The following NOS1 variants were observed in gnomAD, a reference collection of about 807,000 sequenced individuals.
The protein encoded by NOS1 is nitric oxide synthase 1.
Under a neutral mutation model 164.5 loss-of-function variants are expected in NOS1, and 51 were observed. The ratio of observed to expected loss-of-function variants is 0.31; its 90% CI spans 0.25 to 0.39. The LOEUF (loss-of-function observed/expected upper bound fraction) is 0.39. Among genes scored for constraint, NOS1 ranks in the 10% least tolerant of loss-of-function variants. NOS1 has a pLI of 1.00. For synonymous variants in NOS1, 719 were observed against 745.8 expected, an observed-to-expected ratio of 0.96 and a Z score of 0.59; for missense variants, 1,362 against 1,885.6, an observed-to-expected ratio of 0.72 and a Z score of 5.14.
chr12:117,300,559 G>C lies in NOS1; in HGVS notation c.853-10133C>G, dbSNP rs574455795. On this transcript the variant is annotated intron_variant, in intron 3 of 28. Transcript: ENST00000317775. ...CAGGCGATGGCTCAGGTGGAAGGAA[G>C]GAAGATGCCTCTGGGATGGAGAGAG... 3.3e-5 allele frequency among the ~76,000 whole-genome samples: 5 copies of C among 152,270 alleles called. No individual in the cohort carries two copies. In the South Asian group the frequency reaches 1.0e-3, roughly 32 times the overall value.
chr12:117,263,113 A>G (rs559837052), intron 13 of NOS1, among the ~76,000 whole-genome samples: 2 of 152,316 alleles, frequency 1.3e-5, no homozygotes, highest in South Asian at 4.1e-4. Flanking sequence ...CAGCAGGGAC[A>G]GCATTTGTCT....
chr12:117,277,112 A>G (rs557418873), intron 9 of NOS1, among the ~76,000 whole-genome samples: 1 of 152,230 alleles, frequency 6.6e-6, no homozygotes, highest in East Asian at 1.9e-4. Context: ...ACAGTGTACA[A>G]GGGTTCCCTT....
At chr12:117,248,881 T>C (rs1009631737) in intron 17 of NOS1, among the ~76,000 whole-genome samples, 4 of 152,182 alleles carry the variant, frequency 2.6e-5, no homozygotes, top group African/African-American at 7.2e-5. Flanking sequence ...TTTTTAATGA[T>C]TGACATTCTA....
Position 117,330,871 on chromosome 12 carries a change from C to T in NOS1, c.199G>A (p.Val67Ile). The T allele has an allele frequency of 6.2e-7, 1 of 1,614,148 alleles. No homozygotes were observed. Among genetic ancestry groups the T allele is most frequent in the Non-Finnish European group, 8.5e-7 (1 of 1,180,024 alleles). ...LIQAGDIILAVNGRPLVDLSY... is the reference protein window; with the variant it reads ...LIQAGDIILAINGRPLVDLSY... ...AGGTCCACCAAGGGCCGGCCGTTGA[C>T]CGCAAGAATGATGTCTCCGGCCTGG... The change falls in exon 2 of 29, where the codon GTC (valine) becomes ATC (isoleucine). Residue 67 changes from valine (V) to isoleucine (I), a missense_variant. Coordinates refer to ENST00000317775, the MANE Select transcript of NOS1 (RefSeq NM_000620.5). The surrounding 1 kb of genome is among the most constrained non-coding windows in gnomAD (Gnocchi z 4.6).
rs188438779 is a variant in NOS1 at position 117,336,917 on chromosome 12, C to T, written c.-420-5428G>A. 4.6e-3 allele frequency among the ~76,000 whole-genome samples: 693 copies of T among 151,940 alleles called. 8 individuals carry two copies. Among genetic ancestry groups the T allele is most frequent in the African/African-American group, 0.016 (662 of 41,438 alleles). On this transcript the variant is annotated intron_variant, in intron 1 of 28. Transcript: ENST00000317775. ...GCTCAAGTGATCCTCCTACTTCAGCCCCCTGAGTAGCTGGGACTCCAGACA... is the reference window on the plus strand; with the variant it reads ...GCTCAAGTGATCCTCCTACTTCAGCTCCCTGAGTAGCTGGGACTCCAGACA...
At position 117,209,454 on chromosome 12, in the gene NOS1, C is replaced by T. The variant is rs760085931; in HGVS notation, c.*5855G>A. 5.6e-5 allele frequency: 55 copies of T among 985,298 alleles called. No homozygotes were observed. Among genetic ancestry groups the T allele is most frequent in the Middle Eastern group, 5.2e-4 (1 of 1,936 alleles). 61.0% of individuals were successfully genotyped at this position (985,298 alleles called of 1,614,324 possible). ...ACTTAGGAGTCAAATCTGGGCACTT[C>T]GATGTCCTGGAGTTACTTTCTAAAA... On this transcript the variant is annotated 3_prime_UTR_variant, in exon 29 of 29. Transcript: ENST00000317775.
At chr12:117,338,200 G>C (rs1378198217) in intron 1 of NOS1, among the ~76,000 whole-genome samples, 2 of 152,024 alleles carry the variant, frequency 1.3e-5, no homozygotes, top group Non-Finnish European at 2.9e-5. Context: ...CTGGGCGACA[G>C]AGTGAGACTC....
At position 117,226,775 on chromosome 12, in the gene NOS1, T is replaced by C; in HGVS notation, c.3617-5A>G. On this transcript the variant is annotated splice_region_variant and splice_polypyrimidine_tract_variant and intron_variant, in intron 23 of 28. Transcript: ENST00000317775. ...GGTGAATTGGTCCTTCTCCATCTAG[T>C]AGAATAACCAAGGCAGTCAGGGCCA... The C allele has an allele frequency of 2.5e-6, 4 of 1,612,756 alleles. No individual in the cohort carries two copies. The highest frequency in any genetic ancestry group is 1.1e-5 in the South Asian group (1 of 90,974).
intron 2 of NOS1, among the ~76,000 whole-genome samples, chr12:117,322,156 CCCT>C (rs1874974153): frequency 7.5e-6 from 1 of 133,808 alleles, no homozygotes; most frequent in South Asian, 2.8e-4. Flanking sequence ...TTCCTTCCCT[CCCT>C]CCTTCCTTCT....
intron 1 of NOS1, among the ~76,000 whole-genome samples, chr12:117,331,717 C>A (rs899577217): frequency 6.6e-6 from 1 of 152,196 alleles, no homozygotes; most frequent in Non-Finnish European, 1.5e-5. Flanking sequence ...ATGATCAAAG[C>A]CCTCTGGGAC....
At chr12:117,229,265 G>C (rs1369107039) in intron 22 of NOS1, among the ~76,000 whole-genome samples, 1 of 152,124 alleles carries the variant, frequency 6.6e-6, no homozygotes, top group Admixed American at 6.6e-5. Flanking sequence ...CTTCCCACAG[G>C]CTGCTCCCTG....
intron 1 of NOS1, among the ~76,000 whole-genome samples, chr12:117,342,715 T>C (rs765058797): frequency 1.3e-5 from 2 of 152,072 alleles, no homozygotes; most frequent in Non-Finnish European, 2.9e-5. Flanking sequence ...TGGTCAGATT[T>C]AGATTTTATG....
At chr12:117,335,111 C>T (rs1875742451) in intron 1 of NOS1, among the ~76,000 whole-genome samples, 1 of 152,204 alleles carries the variant, frequency 6.6e-6, no homozygotes, top group South Asian at 2.1e-4. Context: ...AGTGAGAACT[C>T]AGAAAAGTGG....
chr12:117,334,753 C>T (rs1331409791), intron 1 of NOS1, among the ~76,000 whole-genome samples: 1 of 152,182 alleles, frequency 6.6e-6, no homozygotes, highest in Non-Finnish European at 1.5e-5. Flanking sequence ...TTTCCTCCTG[C>T]AAAACATCCT....
intron 21 of NOS1, among the ~76,000 whole-genome samples, chr12:117,233,442 C>A (rs1369900479): frequency 2.6e-5 from 4 of 151,900 alleles, no homozygotes; most frequent in African/African-American, 9.7e-5. Flanking sequence ...AAGTAATCTG[C>A]CCGCTTCAGC....
chr12:117,359,626 C>T (rs921824673), intron 1 of NOS1, among the ~76,000 whole-genome samples: 10 of 151,896 alleles, frequency 6.6e-5, no homozygotes, highest in Admixed American at 5.9e-4. Flanking sequence ...CCCTGGGGAC[C>T]CTCCCTCCGT....
chr12:117,262,425 A>AGG (rs539211401), intron 13 of NOS1, among the ~76,000 whole-genome samples: 1,051 of 93,680 alleles, frequency 0.011, 34 homozygotes, highest in African/African-American at 0.041. Context: ...GGAGGGAGGG[A>AGG]GGGAGAGAGA....
At chr12:117,229,617 C>T (rs544172336) in intron 22 of NOS1, among the ~76,000 whole-genome samples, 2 of 146,724 alleles carry the variant, frequency 1.4e-5, no homozygotes, top group Non-Finnish European at 1.5e-5. Flanking sequence ...GAGACAGATT[C>T]TCGCTCTGTC....
At chr12:117,316,091 T>C (rs2136059631) in intron 2 of NOS1, among the ~76,000 whole-genome samples, 1 of 152,346 alleles carries the variant, frequency 6.6e-6, no homozygotes, top group East Asian at 1.9e-4. Context: ...ATTTTAAATT[T>C]TATTTAACTT....
Sources: gnomAD v4.1 joint callset for allele counts (sites outside exome capture counted in the v4.1 genomes callset) on GRCh38, gnomAD v4.1.1 for gene constraint, Gnocchi (gnomAD v3.1) non-coding constraint, MANE v1.5 for transcripts, NCBI Gene and HGNC (gene_info 2026-07-23, HGNC 2026-07-21) for gene names.